Variants in SGCZ observed in about 807,000 individuals in gnomAD.
The protein encoded by SGCZ is zeta-sarcoglycan.
A neutral mutation model predicts 41.3 loss-of-function variants in SGCZ; 40 were observed. The observed-to-expected ratio is 0.97, with a 90% CI of 0.75 to 1.26. SGCZ has a LOEUF of 1.26. Ranked by LOEUF, SGCZ falls within the 50% of genes most tolerant of loss-of-function variation. The pLI is 0.00. For missense variants in SGCZ, 552 were observed against 369.8 expected (o/e 1.49, Z -4.04); for synonymous variants, 206 against 137.5 (o/e 1.50, Z -3.49).
At chr8:14,183,615 T>C (rs763213338) in intron 4 of SGCZ, among the ~76,000 whole-genome samples, 10 of 152,208 alleles carry the variant, frequency 6.6e-5, no homozygotes, top group South Asian at 2.1e-4. Flanking sequence ...TATCTCAGCA[T>C]AGTTACAAAA....
chr8:14,808,775 G>C (rs1473249481), intron 1 of SGCZ, among the ~76,000 whole-genome samples: 1 of 151,826 alleles, frequency 6.6e-6, no homozygotes, highest in Admixed American at 6.6e-5. Context: ...AAAGACACAT[G>C]CACACGTATG....
intron 5 of SGCZ, among the ~76,000 whole-genome samples, chr8:14,123,444 T>TTTA: frequency 6.6e-6 from 1 of 152,300 alleles, no homozygotes; most frequent in Non-Finnish European, 1.5e-5. Flanking sequence ...ATTACTATAC[T>TTTA]TAATATAGAG....
In SGCZ at chr8:14,249,544, T is replaced by C. The variant is rs562362738; in HGVS notation, c.337-11865A>G. Among the ~76,000 whole-genome samples, 16 of 152,278 alleles carry C rather than the reference T, an allele frequency of 1.1e-4. No homozygotes were observed. In the South Asian group the frequency reaches 3.1e-3, roughly 30 times the overall value. On this transcript the variant is annotated intron_variant, in intron 3 of 7. Transcript: ENST00000382080. ...AACAAGGAGACCTTGCAAGTAGCAA[T>C]TATTGTGCTTGTATGAGACACTATG... is the stretch of plus-strand genomic sequence containing the variant.
intron 1 of SGCZ, among the ~76,000 whole-genome samples, chr8:14,988,337 T>C (rs868603609): frequency 5.3e-5 from 8 of 151,984 alleles, no homozygotes; most frequent in African/African-American, 1.9e-4. Context: ...AGATATACCA[T>C]ACTTTCTTTT....
intron 7 of SGCZ, among the ~76,000 whole-genome samples, 156 bp downstream of exon 7, chr8:14,102,220 A>C (rs1404580439): frequency 1.3e-5 from 2 of 151,424 alleles, no homozygotes; most frequent in African/African-American, 4.9e-5. Context: ...CTTGAATATG[A>C]GATATGGTAA....
At chr8:14,315,989 G>A (rs1393113346) in intron 3 of SGCZ, among the ~76,000 whole-genome samples, 1 of 151,786 alleles carries the variant, frequency 6.6e-6, no homozygotes, top group African/African-American at 2.4e-5. Context: ...TAACAAAAGC[G>A]AGTTCTGTTG....
intron 1 of SGCZ, among the ~76,000 whole-genome samples, chr8:15,207,657 G>C (rs12542763): frequency 0.41 from 62,919 of 151,932 alleles, 13,255 homozygotes; most frequent in East Asian, 0.54. Context: ...GGAAAAAAAG[G>C]GTTGTTGAAA....
At chr8:14,677,027 T>C (rs1229345700) in intron 1 of SGCZ, among the ~76,000 whole-genome samples, 1 of 151,976 alleles carries the variant, frequency 6.6e-6, no homozygotes, top group Non-Finnish European at 1.5e-5. Flanking sequence ...TAAAACAATA[T>C]TTGTTAACAG....
chr8:14,862,603 A>C (rs1465419833), intron 1 of SGCZ, among the ~76,000 whole-genome samples: 2 of 137,520 alleles, frequency 1.5e-5, no homozygotes, highest in African/African-American at 2.7e-5. Flanking sequence ...TGCAAAACAT[A>C]CATTTTATAT....
intron 2 of SGCZ, among the ~76,000 whole-genome samples, chr8:14,327,162 A>G (rs544630331): frequency 2.1e-4 from 32 of 152,330 alleles, no homozygotes; most frequent in African/African-American, 7.5e-4. Flanking sequence ...GGCAATTATA[A>G]TATGAAGACA....
At chr8:14,157,768 A>G (rs2116968410) in intron 5 of SGCZ, among the ~76,000 whole-genome samples, 1 of 152,302 alleles carries the variant, frequency 6.6e-6, no homozygotes, top group East Asian at 1.9e-4. Flanking sequence ...TGGGTAAGTA[A>G]TACTAGTTAT....
At chr8:14,421,677 G>C (rs1346329055) in intron 2 of SGCZ, among the ~76,000 whole-genome samples, 1 of 152,100 alleles carries the variant, frequency 6.6e-6, no homozygotes, top group Non-Finnish European at 1.5e-5. Flanking sequence ...TAAAAATTAA[G>C]ATGTAAGCAC....
chr8:14,910,728 T>A (rs187228478), intron 1 of SGCZ, among the ~76,000 whole-genome samples: 1 of 151,940 alleles, frequency 6.6e-6, no homozygotes, highest in Non-Finnish European at 1.5e-5. Flanking sequence ...AATTTATATA[T>A]TTTTATTATA....
intron 2 of SGCZ, among the ~76,000 whole-genome samples, chr8:14,424,385 C>T: frequency 6.6e-6 from 1 of 152,144 alleles, no homozygotes; most frequent in East Asian, 1.9e-4. Flanking sequence ...CACAGTAACA[C>T]TACATAAACA....
At chr8:14,841,986 G>T (rs1385187546) in intron 1 of SGCZ, among the ~76,000 whole-genome samples, 2 of 152,138 alleles carry the variant, frequency 1.3e-5, no homozygotes, top group Non-Finnish European at 2.9e-5. Context: ...AATTATGTGG[G>T]TATAAGTATG....
chr8:15,030,449 G>A (rs1803619548), intron 1 of SGCZ, among the ~76,000 whole-genome samples: 1 of 151,834 alleles, frequency 6.6e-6, no homozygotes, highest in Non-Finnish European at 1.5e-5. Context: ...ATATTTTCAG[G>A]GTAATGACTG....
At chr8:14,509,974 G>A (rs1307571244) in intron 2 of SGCZ, among the ~76,000 whole-genome samples, 1 of 151,984 alleles carries the variant, frequency 6.6e-6, no homozygotes, top group South Asian at 2.1e-4. Context: ...TGAGGACTAT[G>A]GGTCCCTACC....
At chr8:15,218,827 G>C (rs1184953293) in intron 1 of SGCZ, among the ~76,000 whole-genome samples, 2 of 152,128 alleles carry the variant, frequency 1.3e-5, no homozygotes, top group African/African-American at 4.8e-5. Flanking sequence ...ATATGCAGTA[G>C]GTACAATTAT....
chr8:14,445,724 C>A (rs578207509), intron 2 of SGCZ, among the ~76,000 whole-genome samples: 1 of 152,152 alleles, frequency 6.6e-6, no homozygotes, highest in African/African-American at 2.4e-5. Flanking sequence ...TGGTCACTGG[C>A]AGAGGGCAGC....
Sources: allele counts gnomAD v4.1 joint callset (sites outside exome capture counted in the v4.1 genomes callset), GRCh38; gene constraint gnomAD v4.1.1; transcripts MANE v1.5; gene names NCBI Gene and HGNC (gene_info 2026-07-23, HGNC 2026-07-21).